The following ZSWIM5 variants were observed in gnomAD, a reference collection of about 807,000 sequenced individuals.
ZSWIM5 encodes zinc finger SWIM domain-containing protein 5.
In ZSWIM5, 55 loss-of-function variants were observed where a neutral mutation model predicts 119.6. The ratio of observed to expected loss-of-function variants is 0.46; its 90% CI spans 0.37 to 0.58. The LOEUF is 0.58. Ranked by LOEUF, ZSWIM5 falls within the 20% of genes least tolerant of loss-of-function variation. The pLI is 0.00. For missense variants in ZSWIM5, 1,193 were observed against 1,512.8 expected, an observed-to-expected ratio of 0.79 and a Z score of 3.51; for synonymous variants, 537 against 606.9, an observed-to-expected ratio of 0.88 and a Z score of 1.69.
chr1:45,036,278 G>C lies in ZSWIM5; in HGVS notation c.1916C>G (p.Pro639Arg). 2 of 1,613,622 alleles carry C rather than the reference G, an allele frequency of 1.2e-6. No individual in the cohort carries two copies. The highest frequency in any genetic ancestry group is 1.7e-6 in the Non-Finnish European group (2 of 1,179,882). Residue 639 changes from proline (P) to arginine (R), a missense_variant, in exon 9 of 14, where the codon CCT (proline) becomes CGT (arginine). By Grantham distance (103) the Pro-to-Arg change is moderately radical (BLOSUM62 -2). Transcript: ENST00000359600. Reference sequence around the variant, plus strand: ...AGCCACAGGTACATGCTGGTACACAGGGGGTCTGCTTTCATTCATATCTGA... The same window carrying C: ...AGCCACAGGTACATGCTGGTACACACGGGGTCTGCTTTCATTCATATCTGA... ...EMSDMNESRPPVYQHVPVAAG... is the reference protein window; with the variant it reads ...EMSDMNESRPRVYQHVPVAAG...
At chr1:45,184,678 T>C (rs141202782) in intron 1 of ZSWIM5, among the ~76,000 whole-genome samples, 1 of 151,120 alleles carries the variant, frequency 6.6e-6, no homozygotes, top group Non-Finnish European at 1.5e-5. Context: ...AATACTTAGG[T>C]ATCCAACTTA....
At position 45,088,634 on chromosome 1, in the gene ZSWIM5, A is replaced by AAAT. The variant is rs541148004; in HGVS notation, c.596-400_596-398dup. Among the ~76,000 whole-genome samples, 1 of 152,202 alleles carries AAAT rather than the reference A, an allele frequency of 6.6e-6. No individual in the cohort carries two copies. Among genetic ancestry groups the AAAT allele is most frequent in the Non-Finnish European group, 1.5e-5 (1 of 68,046 alleles). ...AGGTGGTAGGCAAAGACAAGTCTAC[A>AAAT]AATAATATCTGTATAATCTAGAGTA... On this transcript the variant is annotated intron_variant, in intron 1 of 13. Coordinates refer to ENST00000359600, the MANE Select transcript of ZSWIM5 (RefSeq NM_020883.2). This position sits in a 1 kb window ranked among gnomAD's most constrained non-coding sequence, Gnocchi z 4.2.
At chr1:45,097,628 C>T (rs375149294) in intron 1 of ZSWIM5, among the ~76,000 whole-genome samples, 1 of 152,144 alleles carries the variant, frequency 6.6e-6, no homozygotes. Flanking sequence ...ATCATAATTT[C>T]ACATTCTGAA....
chr1:45,125,115 T>C (rs978587553), intron 1 of ZSWIM5, among the ~76,000 whole-genome samples: 16 of 151,750 alleles, frequency 1.1e-4, no homozygotes, highest in Admixed American at 8.5e-4. Context: ...AAACATCTCC[T>C]CCAGCAAAGC....
At chr1:45,063,581 C>T (rs1249600398) in intron 2 of ZSWIM5, among the ~76,000 whole-genome samples, 1 of 152,134 alleles carries the variant, frequency 6.6e-6, no homozygotes, top group Non-Finnish European at 1.5e-5. Context: ...AGAAGTCAAC[C>T]ACATTGGCTT....
chr1:45,150,261 C>T (rs1310460397), intron 1 of ZSWIM5, among the ~76,000 whole-genome samples: 1 of 151,002 alleles, frequency 6.6e-6, no homozygotes, highest in Non-Finnish European at 1.5e-5. Context: ...TTACATCAAT[C>T]ATTAAGAAAA....
chr1:45,190,470 C>T (rs1035511052), intron 1 of ZSWIM5, among the ~76,000 whole-genome samples: 9 of 152,142 alleles, frequency 5.9e-5, no homozygotes, highest in African/African-American at 2.2e-4. Context: ...TTGTGATTTG[C>T]CTCCTAATTT....
At chr1:45,096,603 G>T (rs1467805743) in intron 1 of ZSWIM5, among the ~76,000 whole-genome samples, 1 of 151,762 alleles carries the variant, frequency 6.6e-6, no homozygotes, top group East Asian at 1.9e-4. Context: ...ACACTGAGCA[G>T]GCCCTGCATA....
chr1:45,113,973 T>C (rs1326184857), intron 1 of ZSWIM5, among the ~76,000 whole-genome samples: 1 of 152,232 alleles, frequency 6.6e-6, no homozygotes, highest in Non-Finnish European at 1.5e-5. Flanking sequence ...AGTTTATAAG[T>C]TCTCCCAAAA....
intron 2 of ZSWIM5, among the ~76,000 whole-genome samples, chr1:45,071,015 A>G (rs1645218272): frequency 6.6e-6 from 1 of 152,110 alleles, no homozygotes; most frequent in South Asian, 2.1e-4. Context: ...AGGTATATAT[A>G]TTTATGGGGT....
At chr1:45,133,371 T>C (rs1023067397) in intron 1 of ZSWIM5, among the ~76,000 whole-genome samples, 1 of 152,246 alleles carries the variant, frequency 6.6e-6, no homozygotes, top group African/African-American at 2.4e-5. Flanking sequence ...CCAGTGATGA[T>C]GAGCATTTTT....
In ZSWIM5 at chr1:45,036,132, T is replaced by G. The variant is rs368091517; in HGVS notation, c.2062A>C (p.Asn688His). The change falls in exon 9 of 14, where the codon AAT (asparagine) becomes CAT (histidine). Residue 688 changes from asparagine (N) to histidine (H), a missense_variant. Physicochemically the swap from Asn to His is moderately conservative, Grantham distance 68. Around this residue, in one of 2 missense-constraint regions of ZSWIM5, gnomAD observed 961 missense variants for 1,290.0 expected, o/e 0.74. Transcript: ENST00000359600. The stretch of plus-strand genomic sequence containing the variant: ...AGTTGGCTCAGGAGCTGCTCCTCAT[T>G]ACGGCATACCTTGTCCTGTGCGTAG... The part of the protein sequence containing the change: ...GLYAQDKVCR[N>H]EEQLLSQLQE... 2.2e-5 allele frequency: 35 copies of G among 1,613,956 alleles called. No homozygotes were observed. In the African/African-American group the frequency reaches 4.5e-4, roughly 21 times the overall value.
intron 11 of ZSWIM5, among the ~76,000 whole-genome samples, chr1:45,031,568 A>G (rs971399405): frequency 4.0e-5 from 6 of 151,860 alleles, no homozygotes; most frequent in Non-Finnish European, 8.8e-5. Flanking sequence ...GGCTGGGCAC[A>G]GTGGCTAACG....
chr1:45,093,846 G>GGT (rs1645381721), intron 1 of ZSWIM5, among the ~76,000 whole-genome samples: 1 of 137,542 alleles, frequency 7.3e-6, no homozygotes, highest in Non-Finnish European at 1.5e-5. Flanking sequence ...GTAGAAGCTT[G>GGT]TTTTTTTTTT....
rs529822144 is a variant in ZSWIM5, at chr1:45,107,998, A to G, written c.596-19761T>C. Among the ~76,000 whole-genome samples, 57 of 152,054 alleles carry G rather than the reference A, an allele frequency of 3.7e-4. 1 individual carries two copies. Among genetic ancestry groups the G allele is most frequent in the Non-Finnish European group, 6.8e-4 (46 of 67,978 alleles). On this transcript the variant is annotated intron_variant, in intron 1 of 13. Transcript: ENST00000359600. ...TTTTGTAGAGATGGGATCTCACTAT[A>G]TTGTCCAGGCTGGCCTTGAACTCCT...
At chr1:45,162,566 C>G (rs139679613) in intron 1 of ZSWIM5, among the ~76,000 whole-genome samples, 4,898 of 152,344 alleles carry the variant, frequency 0.032, 119 homozygotes, top group Non-Finnish European at 0.05. Context: ...ATTCCCTTTC[C>G]TAGCCAAGGG....
At chr1:45,164,972 G>C (rs1365172115) in intron 1 of ZSWIM5, among the ~76,000 whole-genome samples, 4 of 152,058 alleles carry the variant, frequency 2.6e-5, no homozygotes, top group Admixed American at 1.3e-4. Context: ...AGACCTAATA[G>C]ACATCTACAG....
At chr1:45,151,404 T>C (rs1012723448) in intron 1 of ZSWIM5, among the ~76,000 whole-genome samples, 3 of 152,140 alleles carry the variant, frequency 2.0e-5, no homozygotes, top group South Asian at 4.1e-4. Context: ...TAAATGAATA[T>C]ATATTTCATT....
chr1:45,164,722 G>T (rs1328851826), intron 1 of ZSWIM5, among the ~76,000 whole-genome samples: 1 of 152,056 alleles, frequency 6.6e-6, no homozygotes, highest in Non-Finnish European at 1.5e-5. Flanking sequence ...GACAAAGAAG[G>T]CCATTACATA....
Sources: allele counts gnomAD v4.1 joint callset (sites outside exome capture counted in the v4.1 genomes callset), GRCh38; gene constraint gnomAD v4.1.1; regional missense constraint gnomAD v4.1.1; non-coding constraint Gnocchi (gnomAD v3.1); transcripts MANE v1.5; gene names NCBI Gene and HGNC (gene_info 2026-07-23, HGNC 2026-07-21).